Variants in PFKFB4 observed in about 807,000 individuals in gnomAD.
PFKFB4 encodes 6-phosphofructo-2-kinase/fructose-2,6-biphosphatase 4, also known as 6-phosphofructo-2-kinase/fructose-2,6-bisphosphatase 4.
PFKFB4 carries 42 observed loss-of-function variants against 62.8 expected under a neutral mutation model. That is an observed-to-expected ratio of 0.67 (90% CI 0.52 to 0.86). The LOEUF (loss-of-function observed/expected upper bound fraction) is 0.86, where lower values mean the gene tolerates loss of function less well. Among genes scored for constraint, PFKFB4 ranks in the 40% least tolerant of loss-of-function variants. The pLI is 0.00. For synonymous variants in PFKFB4, 204 were observed against 240.7 expected (o/e 0.85, Z 1.41); for missense variants, 475 against 627.2 (o/e 0.76, Z 2.59).
chr3:48,528,016 T>C (rs1273200247), intron 9 of PFKFB4, among the ~76,000 whole-genome samples: 6 of 151,968 alleles, frequency 3.9e-5, no homozygotes, highest in South Asian at 2.1e-4. Flanking sequence ...AGAGCACATA[T>C]ATCATCATGA....
chr3:48,552,271 T>C (rs1409007371), intron 1 of PFKFB4, among the ~76,000 whole-genome samples: 1 of 152,212 alleles, frequency 6.6e-6, no homozygotes, highest in Non-Finnish European at 1.5e-5. Flanking sequence ...GCTAAAGCCA[T>C]AGGTGTACCT....
At chr3:48,523,863 C>T in intron 10 of PFKFB4, 33 bp from the exon 11 acceptor site, 1 of 1,603,690 alleles carries the variant, frequency 6.2e-7, no homozygotes, top group Non-Finnish European at 8.5e-7. Flanking sequence ...GTCCCTCAGG[C>T]CTGGCTCCGG....
intron 1 of PFKFB4, among the ~76,000 whole-genome samples, chr3:48,555,479 T>G (rs1197643512): frequency 1.3e-5 from 2 of 152,214 alleles, no homozygotes; most frequent in African/African-American, 4.8e-5. Flanking sequence ...GACCCAGGCA[T>G]GTCACTCAAT....
intron 7 of PFKFB4, among the ~76,000 whole-genome samples, chr3:48,537,617 T>C (rs1289316258): frequency 1.4e-5 from 2 of 147,570 alleles, no homozygotes; most frequent in Admixed American, 7.0e-5. Context: ...TTGACCTCCC[T>C]GGGCTTAGGT....
chr3:48,523,788 C>G lies in PFKFB4; in HGVS notation c.1135G>C (p.Glu379Gln), dbSNP rs746062532. The change falls in exon 11 of 14, where the codon GAG becomes CAG. Residue 379 changes from glutamate (E) to glutamine (Q), a missense_variant. Transcript: ENST00000232375. Reference sequence around the variant, plus strand: ...AGCACATTCTCTTGCCTCTCCAGCTCCATGATGACAGGCTCCAGTCTCTGG... The same window carrying G: ...AGCACATTCTCTTGCCTCTCCAGCTGCATGATGACAGGCTCCAGTCTCTGG... ...LVQRLEPVIM[E>Q]LERQENVLVI... 3 of 1,614,208 alleles carry G rather than the reference C, an allele frequency of 1.9e-6. No individual in the cohort carries two copies. Among genetic ancestry groups the G allele is most frequent in the Non-Finnish European group, 2.5e-6 (3 of 1,180,012 alleles).
upstream of PFKFB4, among the ~76,000 whole-genome samples, chr3:48,557,283 A>G (rs538214673): frequency 1.3e-5 from 2 of 152,272 alleles, no homozygotes; most frequent in South Asian, 2.1e-4. Flanking sequence ...GACGAGGCCT[A>G]CGTGACCCGC....
At chr3:48,555,854 T>A (rs745532092) in intron 1 of PFKFB4, among the ~76,000 whole-genome samples, 4 of 151,748 alleles carry the variant, frequency 2.6e-5, no homozygotes, top group African/African-American at 9.7e-5. Context: ...CAGTGAACTA[T>A]GATCGCGCCA....
At chr3:48,553,036 G>T (rs1261492397) in intron 1 of PFKFB4, among the ~76,000 whole-genome samples, 1 of 152,212 alleles carries the variant, frequency 6.6e-6, no homozygotes, top group Non-Finnish European at 1.5e-5. Context: ...CCAGCCATAA[G>T]AAATTGCCAA....
upstream of PFKFB4, chr3:48,557,125 C>T (rs2043348350): frequency 1.3e-5 from 5 of 374,658 alleles, no homozygotes; most frequent in Non-Finnish European, 2.1e-5. Context: ...AAACTCAGCT[C>T]TCCCAACCTG....
rs532848976 is a variant in PFKFB4, at chr3:48,536,724, A to C, written c.633-261T>G. On this transcript the variant is annotated intron_variant, in intron 7 of 13. Transcript: ENST00000232375. ...ATCATGCTTCCCAAAGGTGACATCC[A>C]AAGTGGGGGGTCCGCCATACCACAT... The C allele has an allele frequency of 4.5e-5, 22 of 483,536 alleles. No individual in the cohort carries two copies. In the South Asian group the frequency reaches 6.6e-4, roughly 15 times the overall value. 30.0% of individuals were successfully genotyped at this position (483,536 alleles called of 1,614,324 possible).
chr3:48,522,081 A>C (rs369380337), intron 12 of PFKFB4, 31 bp from the exon 13 acceptor site: 1 of 1,605,112 alleles, frequency 6.2e-7, no homozygotes, highest in African/African-American at 1.3e-5. Context: ...ATCCATCCCC[A>C]CTCCTGAAAG....
rs1005649290 is a variant in PFKFB4, at chr3:48,535,768, G to A, written c.841-110C>T. On this transcript the variant is annotated intron_variant, in intron 8 of 13. Coordinates refer to ENST00000232375, the MANE Select transcript of PFKFB4 (RefSeq NM_004567.4). ...CCCTCGCCTTGAACACTCACTACAG[G>A]TTTGGTAAAAAGCATGAACTAACTT... 3.9e-5 allele frequency: 51 copies of A among 1,304,014 alleles called. No individual in the cohort carries two copies. In the African/African-American group the frequency reaches 5.0e-4, roughly 13 times the overall value. The allele number at this position is 1,304,014 out of a possible 1,614,324, so 80.8% of individuals were successfully genotyped here. A position where few individuals can be genotyped will look rare whatever the true frequency, so the allele number is the denominator to read the frequency against.
At chr3:48,531,511 G>A (rs2107501138) in intron 9 of PFKFB4, among the ~76,000 whole-genome samples, 1 of 150,128 alleles carries the variant, frequency 6.7e-6, no homozygotes, top group South Asian at 2.1e-4. Context: ...CGTGATCTCA[G>A]CTCACCACAA....
At chr3:48,545,005 C>T (rs935744412) in intron 3 of PFKFB4, among the ~76,000 whole-genome samples, 1 of 151,886 alleles carries the variant, frequency 6.6e-6, no homozygotes, top group African/African-American at 2.4e-5. Flanking sequence ...ATTACAGGCG[C>T]GAGCCACTGC....
At chr3:48,538,655 G>A (rs1465651562) in intron 6 of PFKFB4, 36 bp from the exon 7 acceptor site, 1 of 1,613,498 alleles carries the variant, frequency 6.2e-7, no homozygotes, top group South Asian at 1.1e-5. Context: ...GACATATCAG[G>A]GTCAGGAGCC....
chr3:48,552,441 G>A lies in PFKFB4; in HGVS notation c.98-2207C>T, dbSNP rs149719571. ...ACCCAAATGGTGAGCCTCAGGGGCG[G>A]GAAGGAGGAGACCCCATGAAACAGG... On this transcript the variant is annotated intron_variant, in intron 1 of 13. Coordinates refer to ENST00000232375, the MANE Select transcript of PFKFB4 (RefSeq NM_004567.4). 2.6e-5 allele frequency among the ~76,000 whole-genome samples: 4 copies of A among 152,368 alleles called. No individual in the cohort carries two copies. In the East Asian group the frequency reaches 5.8e-4, roughly 22 times the overall value.
At chr3:48,551,727 TAG>T in intron 1 of PFKFB4, among the ~76,000 whole-genome samples, 1 of 151,188 alleles carries the variant, frequency 6.6e-6, no homozygotes, top group East Asian at 1.9e-4. Flanking sequence ...GTATTTTCAG[TAG>T]AGACAGGATT....
At chr3:48,554,049 G>A (rs952884375) in intron 1 of PFKFB4, among the ~76,000 whole-genome samples, 2 of 152,280 alleles carry the variant, frequency 1.3e-5, no homozygotes, top group Non-Finnish European at 2.9e-5. Flanking sequence ...TTTATCAAGC[G>A]GGGGCGTGCC....
At chr3:48,562,989 C>G (rs778224095), upstream of PFKFB4, 1 of 1,608,680 alleles carries the variant, frequency 6.2e-7, no homozygotes, top group South Asian at 1.1e-5. The surrounding 1 kb of genome is among the most constrained non-coding windows in gnomAD (Gnocchi z 4.3). Flanking sequence ...GAGGGGCTCT[C>G]TGAGGCCGCA....
Sources: allele counts gnomAD v4.1 joint callset (sites outside exome capture counted in the v4.1 genomes callset), GRCh38; gene constraint gnomAD v4.1.1; non-coding constraint Gnocchi (gnomAD v3.1); transcripts MANE v1.5; gene names NCBI Gene and HGNC (gene_info 2026-07-23, HGNC 2026-07-21).